CAMTA1: variants seen among roughly 807,000 people sequenced by gnomAD.
The protein encoded by CAMTA1 is calmodulin binding transcription activator 1, also known as calmodulin-binding transcription activator 1.
In CAMTA1, 27 loss-of-function variants were observed where a neutral mutation model predicts 170.9. That is an observed-to-expected ratio of 0.16 (90% confidence interval 0.12 to 0.22). The LOEUF is 0.22. Ranked by LOEUF, CAMTA1 falls within the 10% of genes least tolerant of loss-of-function variation. The pLI is 1.00. For missense variants in CAMTA1, 1,619 were observed against 2,217.2 expected (o/e 0.73, Z 5.42); for synonymous variants, 833 against 891.5 (o/e 0.93, Z 1.17).
chr1:7,360,340 G>A (rs1303997966), intron 5 of CAMTA1, among the ~76,000 whole-genome samples: 1 of 152,174 alleles, frequency 6.6e-6, no homozygotes. Flanking sequence ...TTCTGGAGGT[G>A]ATTCCCACCA....
intron 5 of CAMTA1, among the ~76,000 whole-genome samples, chr1:7,428,367 G>A (rs755370851): frequency 6.6e-6 from 1 of 152,048 alleles, no homozygotes; most frequent in African/African-American, 2.4e-5. Context: ...GATCTTTGGG[G>A]TGGGGGCTCT....
chr1:7,376,259 G>A (rs903129699), intron 5 of CAMTA1, among the ~76,000 whole-genome samples: 11 of 151,982 alleles, frequency 7.2e-5, no homozygotes, highest in Non-Finnish European at 1.5e-4. Flanking sequence ...GAAGGGCCTG[G>A]GCATAACTGG....
intron 5 of CAMTA1, among the ~76,000 whole-genome samples, chr1:7,460,564 C>T (rs1348517172): frequency 1.3e-5 from 2 of 149,674 alleles, no homozygotes; most frequent in Non-Finnish European, 3.0e-5. Flanking sequence ...CCAGCTGGTC[C>T]AGGATGCCCC....
intron 5 of CAMTA1, among the ~76,000 whole-genome samples, chr1:7,278,121 GCT>G (rs1671007852): frequency 6.6e-6 from 1 of 152,192 alleles, no homozygotes; most frequent in African/African-American, 2.4e-5. Context: ...CTAAAAATTA[GCT>G]CCATATGGCT....
At chr1:7,531,378 G>A (rs544945519) in intron 6 of CAMTA1, among the ~76,000 whole-genome samples, 4 of 152,290 alleles carry the variant, frequency 2.6e-5, no homozygotes, top group East Asian at 1.9e-4. Context: ...TCACAGACTC[G>A]CTGGGGGTTC....
intron 11 of CAMTA1, among the ~76,000 whole-genome samples, chr1:7,678,637 A>G (rs920186564): frequency 6.6e-6 from 1 of 152,184 alleles, no homozygotes; most frequent in Non-Finnish European, 1.5e-5. Flanking sequence ...TGAGCCCAGT[A>G]CACTGGGGAT....
intron 19 of CAMTA1, among the ~76,000 whole-genome samples, chr1:7,750,357 T>TG (rs2150151025): frequency 6.6e-6 from 1 of 152,368 alleles, no homozygotes; most frequent in East Asian, 1.9e-4. Context: ...TATTTTTCCT[T>TG]GCGACGGTAA....
At chr1:6,941,969 G>A (rs1023663730) in intron 3 of CAMTA1, among the ~76,000 whole-genome samples, 4 of 152,246 alleles carry the variant, frequency 2.6e-5, no homozygotes, top group African/African-American at 4.8e-5. Flanking sequence ...GACAACACTG[G>A]CCTTGCTCGA....
chr1:6,937,278 CATCACCATCCCCATTCACT>C (rs1685495894), intron 3 of CAMTA1, among the ~76,000 whole-genome samples: 1 of 151,050 alleles, frequency 6.6e-6, no homozygotes, highest in Non-Finnish European at 1.5e-5. Context: ...CCATCATCAC[CATCACCATCCCCATTCACT>C]ACTTACCACC....
At chr1:7,331,069 G>A (rs1463154719) in intron 5 of CAMTA1, among the ~76,000 whole-genome samples, 2 of 152,068 alleles carry the variant, frequency 1.3e-5, no homozygotes, top group South Asian at 2.1e-4. Context: ...GCAAAACCCC[G>A]TCTCTACTAA....
chr1:6,930,707 G>C (rs533474574), intron 3 of CAMTA1, among the ~76,000 whole-genome samples: 3 of 152,214 alleles, frequency 2.0e-5, no homozygotes, highest in Non-Finnish European at 4.4e-5. Context: ...TGGGGAGCAA[G>C]GGACCATTTG....
rs2095302157 is a variant in CAMTA1 at position 7,585,564 on chromosome 1, C to T, written c.511-54836C>T. On this transcript the variant is annotated intron_variant, in intron 6 of 22. Coordinates refer to ENST00000303635, the MANE Select transcript of CAMTA1 (RefSeq NM_015215.4). The surrounding 1 kb of genome is among the most constrained non-coding windows in gnomAD (Gnocchi z 4.8). ...GCATTGTAAGGACTTGGGGTTTCAC[C>T]GTGAGTGTGGAGGGGAGCCAGTGAA... Among the ~76,000 whole-genome samples, 4 of 152,092 alleles carry T rather than the reference C, an allele frequency of 2.6e-5. No homozygotes were observed. Among genetic ancestry groups the T allele is most frequent in the Admixed American group, 2.0e-4 (3 of 15,280 alleles).
chr1:7,729,238 T>C (rs1251492082), intron 11 of CAMTA1, among the ~76,000 whole-genome samples: 1 of 151,540 alleles, frequency 6.6e-6, no homozygotes, highest in Non-Finnish European at 1.5e-5. Flanking sequence ...TGTATCAGCC[T>C]CCTGAGTAGC....
intron 3 of CAMTA1, among the ~76,000 whole-genome samples, chr1:6,902,535 G>A (rs537585762): frequency 6.6e-6 from 1 of 152,192 alleles, no homozygotes; most frequent in African/African-American, 2.4e-5. Flanking sequence ...CTGTGGACTG[G>A]GTTGCTGTGG....
chr1:7,110,887 C>G (rs1286133315), intron 4 of CAMTA1, among the ~76,000 whole-genome samples: 1 of 152,224 alleles, frequency 6.6e-6, no homozygotes, highest in East Asian at 1.9e-4. Flanking sequence ...CCACTGAGAA[C>G]TTAATTGCTT....
At chr1:6,842,961 G>A (rs531424984) in intron 3 of CAMTA1, among the ~76,000 whole-genome samples, 2 of 152,092 alleles carry the variant, frequency 1.3e-5, no homozygotes, top group Admixed American at 6.5e-5. Context: ...GAAATCTGGA[G>A]GGGAACATTT....
At chr1:6,976,814 A>G (rs1456787163) in intron 3 of CAMTA1, among the ~76,000 whole-genome samples, 1 of 152,174 alleles carries the variant, frequency 6.6e-6, no homozygotes, top group East Asian at 1.9e-4. Context: ...AACTCCCATA[A>G]TTCCCACTTG....
intron 3 of CAMTA1, among the ~76,000 whole-genome samples, chr1:6,859,804 AAAG>A (rs1266628503): frequency 6.6e-6 from 1 of 152,180 alleles, no homozygotes; most frequent in Non-Finnish European, 1.5e-5. Flanking sequence ...AAAGAAAAGA[AAAG>A]AAATGTTGTA....
At chr1:7,244,518 TA>T (rs1366670136) in intron 4 of CAMTA1, among the ~76,000 whole-genome samples, 1 of 152,124 alleles carries the variant, frequency 6.6e-6, no homozygotes, top group African/African-American at 2.4e-5. Context: ...CAGACTGGAT[TA>T]AGAAAATGTG....
Sources: allele counts gnomAD v4.1 joint callset (sites outside exome capture counted in the v4.1 genomes callset), GRCh38; gene constraint gnomAD v4.1.1; non-coding constraint Gnocchi (gnomAD v3.1); transcripts MANE v1.5; gene names NCBI Gene and HGNC (gene_info 2026-07-23, HGNC 2026-07-21).